Variants in CACNA2D1 observed in about 807,000 individuals in gnomAD.
The protein encoded by CACNA2D1 is voltage-dependent calcium channel subunit alpha-2/delta-1.
CACNA2D1 carries 53 observed loss-of-function variants against 171.5 expected under a neutral mutation model. The observed-to-expected ratio is 0.31, with a 90% CI of 0.25 to 0.39. The LOEUF (loss-of-function observed/expected upper bound fraction) is 0.39. Ranked by LOEUF, CACNA2D1 falls within the 10% of genes least tolerant of loss-of-function variation. CACNA2D1 has a pLI of 1.00. For missense variants in CACNA2D1, 903 were observed against 1,299.8 expected (o/e 0.69, Z 4.69); for synonymous variants, 442 against 443.1 (o/e 1.00, Z 0.03).
chr7:82,377,340 C>T (rs1046942428), intron 1 of CACNA2D1, among the ~76,000 whole-genome samples: 34 of 152,248 alleles, frequency 2.2e-4, no homozygotes, highest in African/African-American at 7.0e-4. Flanking sequence ...GCAATTGTAA[C>T]CATCTGTAGG....
intron 30 of CACNA2D1, 134 bp from the exon 31 acceptor site, chr7:81,967,341 G>A: frequency 2.6e-6 from 2 of 774,144 alleles, no homozygotes; most frequent in Admixed American, 5.0e-5. Flanking sequence ...TAGTCTATAA[G>A]AAACAAAAGT....
chr7:82,284,608 G>A (rs1810522417), intron 3 of CACNA2D1, among the ~76,000 whole-genome samples: 1 of 152,158 alleles, frequency 6.6e-6, no homozygotes, highest in Non-Finnish European at 1.5e-5. Context: ...CCTAGTTACT[G>A]AGTCCTCACA....
intron 1 of CACNA2D1, among the ~76,000 whole-genome samples, chr7:82,442,913 C>G (rs977353289): frequency 6.6e-6 from 1 of 152,200 alleles, no homozygotes; most frequent in East Asian, 1.9e-4. Context: ...TCTCCGAGGC[C>G]AAGTGCGGGG....
chr7:82,258,817 CTT>C (rs201927487), intron 3 of CACNA2D1, among the ~76,000 whole-genome samples: 1,011 of 72,548 alleles, frequency 0.014, 7 homozygotes, highest in African/African-American at 0.049. Flanking sequence ...TCTTACTTTT[CTT>C]TTTTTTTTTT....
chr7:81,977,970 AC>A (rs1203377586), intron 24 of CACNA2D1, among the ~76,000 whole-genome samples: 1 of 152,256 alleles, frequency 6.6e-6, no homozygotes. Context: ...TATGCGGCCA[AC>A]AAACATATGA....
intron 3 of CACNA2D1, among the ~76,000 whole-genome samples, chr7:82,202,369 C>G (rs1799533789): frequency 6.6e-6 from 1 of 152,108 alleles, no homozygotes; most frequent in South Asian, 2.1e-4. Context: ...GTATAGCCAG[C>G]AGGATACTGA....
At chr7:82,096,743 T>C (rs1297521747) in intron 6 of CACNA2D1, among the ~76,000 whole-genome samples, 1 of 151,446 alleles carries the variant, frequency 6.6e-6, no homozygotes, top group East Asian at 1.9e-4. Flanking sequence ...TGTGACAGAT[T>C]ACAGTTTCAA....
At chr7:81,972,231 T>C (rs1439557243) in intron 25 of CACNA2D1, among the ~76,000 whole-genome samples, 7 of 151,328 alleles carry the variant, frequency 4.6e-5, no homozygotes, top group Admixed American at 2.6e-4. Context: ...ATTTAATGTA[T>C]ACACACATAA....
At chr7:81,983,669 C>T (rs748441025) in intron 22 of CACNA2D1, among the ~76,000 whole-genome samples, 13 of 152,094 alleles carry the variant, frequency 8.5e-5, no homozygotes, top group Non-Finnish European at 1.6e-4. Flanking sequence ...GAGTTATCCC[C>T]TCATTTATCA....
intron 5 of CACNA2D1, among the ~76,000 whole-genome samples, chr7:82,120,001 G>A (rs1789524364): frequency 1.3e-5 from 2 of 152,288 alleles, no homozygotes; most frequent in African/African-American, 4.8e-5. Context: ...GGACAACATA[G>A]TGAGGCCCTC....
chr7:82,373,099 G>A (rs555027535), intron 1 of CACNA2D1, among the ~76,000 whole-genome samples: 6 of 152,190 alleles, frequency 3.9e-5, no homozygotes, highest in African/African-American at 1.4e-4. Context: ...CACAAGAATC[G>A]CTTGAACCCA....
chr7:82,374,459 C>A (rs968571561), intron 1 of CACNA2D1, among the ~76,000 whole-genome samples: 1 of 152,164 alleles, frequency 6.6e-6, no homozygotes, highest in Non-Finnish European at 1.5e-5. Context: ...CAAGACATCT[C>A]ACACATCCAC....
At position 82,266,492 on chromosome 7, in the gene CACNA2D1, C is replaced by T. The variant is rs371766622; in HGVS notation, c.294+68643G>A. ...AATGCAGTAGGTCAGTGCTTCCTAA[C>T]AGAAGTCTACTGGCAAGAAAGGTTT... On this transcript the variant is annotated intron_variant, in intron 3 of 38. Transcript: ENST00000356860. Among the ~76,000 whole-genome samples the T allele has an allele frequency of 2.6e-5, 4 of 152,144 alleles. No individual in the cohort carries two copies. In the East Asian group the frequency reaches 7.7e-4, roughly 29 times the overall value.
intron 4 of CACNA2D1, among the ~76,000 whole-genome samples, chr7:82,146,712 C>T (rs1040325276): frequency 2.7e-5 from 4 of 150,800 alleles, no homozygotes; most frequent in South Asian, 2.1e-4. Context: ...TTCGGCCAGG[C>T]GCCTTGACTC....
chr7:82,431,376 G>C (rs897958719), intron 1 of CACNA2D1, among the ~76,000 whole-genome samples: 1 of 152,064 alleles, frequency 6.6e-6, no homozygotes, highest in Non-Finnish European at 1.5e-5. Context: ...AGTTCCCCAC[G>C]CATTCTTTCA....
In CACNA2D1 at chr7:81,949,057, G is replaced by A. The variant is rs916754697; in HGVS notation, c.*1335C>T. 1 of 151,916 alleles carries A rather than the reference G, an allele frequency of 6.6e-6. No individual in the cohort carries two copies. The highest frequency in any genetic ancestry group is 1.5e-5 in the Non-Finnish European group (1 of 67,896). 9.4% of individuals were successfully genotyped at this position (151,916 alleles called of 1,614,324 possible). A position where few individuals can be genotyped will look rare whatever the true frequency, so the allele number is the denominator to read the frequency against. ...ACTTGCATGGAAATTTTGGCCAAAC[G>A]ATCATACCATTTAAAATGGAAGGGC... On this transcript the variant is annotated 3_prime_UTR_variant, in exon 39 of 39. Transcript: ENST00000356860.
chr7:82,181,080 G>GTTTTT (rs1797093992), intron 3 of CACNA2D1, among the ~76,000 whole-genome samples: 2 of 48,958 alleles, frequency 4.1e-5, no homozygotes, highest in Non-Finnish European at 8.2e-5. Context: ...TTTTTTTTGC[G>GTTTTT]TCAGTGAGAT....
chr7:82,094,440 G>A (rs191394391), intron 6 of CACNA2D1, among the ~76,000 whole-genome samples: 60 of 152,168 alleles, frequency 3.9e-4, no homozygotes, highest in South Asian at 3.1e-3. Flanking sequence ...CATGTTTTAC[G>A]TACACAGAGA....
chr7:81,956,845 G>GTAAA (rs1793430717), intron 38 of CACNA2D1, among the ~76,000 whole-genome samples: 1 of 151,352 alleles, frequency 6.6e-6, no homozygotes, highest in Non-Finnish European at 1.5e-5. Context: ...TTGCAAAACA[G>GTAAA]TAAATGAAGA....
Sources: allele counts gnomAD v4.1 joint callset (sites outside exome capture counted in the v4.1 genomes callset), GRCh38; gene constraint gnomAD v4.1.1; transcripts MANE v1.5; gene names NCBI Gene and HGNC (gene_info 2026-07-23, HGNC 2026-07-21).